TCP1: variants seen among roughly 807,000 people sequenced by gnomAD.
The protein encoded by TCP1 is T-complex protein 1 subunit alpha.
Under a neutral mutation model 54.7 loss-of-function variants are expected in TCP1, and 6 were observed. That is an observed-to-expected ratio of 0.11 (90% CI 0.06 to 0.22). The LOEUF is 0.22. Among genes scored for constraint, TCP1 ranks in the 10% least tolerant of loss-of-function variants. TCP1 has a pLI of 1.00. For synonymous variants in TCP1, 225 were observed against 229.7 expected (o/e 0.98, Z 0.19); for missense variants, 511 against 678.2 (o/e 0.75, Z 2.74).
chr6:159,780,242 T>C lies in TCP1; in HGVS notation c.1098-155A>G, dbSNP rs550378956. 17 of 1,200,774 alleles carry C rather than the reference T, an allele frequency of 1.4e-5. No individual in the cohort carries two copies. In the Admixed American group the frequency reaches 2.2e-4, roughly 15 times the overall value. The allele number at this position is 1,200,774 out of a possible 1,614,324, so 74.4% of individuals were successfully genotyped here. A position where few individuals can be genotyped will look rare whatever the true frequency, so the allele number is the denominator to read the frequency against. On this transcript the variant is annotated intron_variant, in intron 9 of 11. Transcript: ENST00000321394. ...CTACACAGGATATTTAGATATACTA[T>C]ACAGAAACAATGTCTAGTCCCTGCA...
intron 7 of TCP1, among the ~76,000 whole-genome samples, chr6:159,781,503 T>C (rs1780575134): frequency 6.6e-6 from 1 of 152,356 alleles, no homozygotes; most frequent in South Asian, 2.1e-4. Flanking sequence ...CCAAGTGCAG[T>C]GGCTCACGCC....
At position 159,779,703 on chromosome 6, in the gene TCP1, A is replaced by G. The variant is rs1429995974; in HGVS notation, c.1378T>C (p.Ser460Pro). ...NTLAVNAAQD[S>P]TDLVAKLRAF... ...CTTAATTTTGCAACCAGATCTGTGG[A>G]GTCCTGGGCAGCATTAACTGCTAGT... is the stretch of plus-strand genomic sequence containing the variant. The change falls in exon 11 of 12, where the codon TCC becomes CCC. Residue 460 changes from serine to proline, a missense_variant. Physicochemically the swap from Ser to Pro is moderately conservative, Grantham distance 74 (BLOSUM62 -1). Coordinates refer to ENST00000321394, the MANE Select transcript of TCP1 (RefSeq NM_030752.3). 4 of 1,613,474 alleles carry G rather than the reference A, an allele frequency of 2.5e-6. No homozygotes were observed. Among genetic ancestry groups the G allele is most frequent in the Non-Finnish European group, 3.4e-6 (4 of 1,179,876 alleles).
intron 6 of TCP1, 123 bp from the exon 7 acceptor site, chr6:159,784,190 A>C (rs1440369351): frequency 8.1e-7 from 1 of 1,240,600 alleles, no homozygotes; most frequent in Non-Finnish European, 1.1e-6. Flanking sequence ...ATCTTAGAAA[A>C]ATTTTATGGC....
At position 159,785,485 on chromosome 6, in the gene TCP1, C is replaced by A; in HGVS notation, c.389G>T (p.Arg130Leu). The change falls in exon 5 of 12, where the codon CGT becomes CTT. Residue 130 changes from arginine (R) to leucine (L), a missense_variant. Arg to Leu is a moderately radical substitution (Grantham distance 102). This residue lies in a region of TCP1 where 305 missense variants were observed against 352.8 expected (regional missense o/e 0.86). Transcript: ENST00000321394. ...GYRLACKEAV[R>L]YINENLIVNT... ...AACAATTAGGTTTTCATTGATATAA[C>A]GCACTGCTTCCCTGTTTAAAAGTGT... is the stretch of plus-strand genomic sequence containing the variant. 6.2e-7 allele frequency: 1 copy of A among 1,612,858 alleles called. No homozygotes were observed. The highest frequency in any genetic ancestry group is 2.2e-5 in the East Asian group (1 of 44,880).
chr6:159,782,311 A>G (rs1340010426), intron 7 of TCP1, among the ~76,000 whole-genome samples: 1 of 152,252 alleles, frequency 6.6e-6, no homozygotes, highest in African/African-American at 2.4e-5. Context: ...CTTGTCTACT[A>G]AACAAGTACT....
intron 8 of TCP1, 28 bp from the exon 9 acceptor site, chr6:159,780,594 G>T: frequency 6.2e-7 from 1 of 1,601,170 alleles, no homozygotes; most frequent in South Asian, 1.1e-5. Flanking sequence ...AAGGATCTGT[G>T]AATATTGCTC....
At chr6:159,785,714 T>C (rs1554269227) in intron 4 of TCP1, 186 bp downstream of exon 4, 2 of 784,962 alleles carry the variant, frequency 2.5e-6, no homozygotes, top group Non-Finnish European at 4.5e-6. Flanking sequence ...TAGGAGAAAA[T>C]GTGGTAGTCA....
intron 1 of TCP1, 110 bp from the exon 2 acceptor site, chr6:159,788,253 A>T: frequency 2.1e-6 from 2 of 961,824 alleles, no homozygotes; most frequent in African/African-American, 1.6e-5. Flanking sequence ...CGTATTTCCC[A>T]AATCTACAAA....
At chr6:159,787,995 A>T in intron 2 of TCP1, 63 bp downstream of exon 2, 1 of 1,608,608 alleles carries the variant, frequency 6.2e-7, no homozygotes, top group Non-Finnish European at 8.5e-7. Flanking sequence ...AAGAAAGAAC[A>T]TAGCAAAACA....
At chr6:159,788,168 AAAAG>A in intron 1 of TCP1, 25 bp from the exon 2 acceptor site, 2 of 1,608,890 alleles carry the variant, frequency 1.2e-6, no homozygotes, top group South Asian at 1.1e-5. Context: ...TTAAAAATAA[AAAAG>A]AAATGAGGAT....
chr6:159,779,854 A>C, intron 10 of TCP1, 41 bp downstream of exon 10: 1 of 1,603,308 alleles, frequency 6.2e-7, no homozygotes, highest in Non-Finnish European at 8.5e-7. Context: ...GTCCACAGCT[A>C]CTGCTCTCAG....
chr6:159,785,211 A>G, intron 5 of TCP1, 175 bp downstream of exon 5: 1 of 621,674 alleles, frequency 1.6e-6, no homozygotes. Context: ...ACACGCACCC[A>G]CTCCCGAGAC....
intron 9 of TCP1, 100 bp downstream of exon 9, chr6:159,780,343 G>C (rs377168769): frequency 7.1e-6 from 11 of 1,555,390 alleles, no homozygotes; most frequent in Middle Eastern, 1.7e-4. Context: ...ATAACTGCTC[G>C]TATCACTGTG....
In TCP1 at chr6:159,787,848, A is replaced by C. The variant is rs749989791; in HGVS notation, c.174T>G (p.Gly58=). 1.2e-6 allele frequency: 2 copies of C among 1,614,098 alleles called. No individual in the cohort carries two copies. Among genetic ancestry groups the C allele is most frequent in the Non-Finnish European group, 1.7e-6 (2 of 1,180,038 alleles). The change falls in exon 3 of 12, where the codon GGT becomes GGG. Residue 58 remains glycine, a synonymous_variant. Transcript: ENST00000321394. ...CCTCCAGTAACTTCAGGATGGTTGC[A>C]CCATCGTTAGTAATGGTTACATCCT... ...DIGDVTITND[G]ATILKLLEVE...
intron 2 of TCP1, 60 bp from the exon 3 acceptor site, chr6:159,787,931 A>T: frequency 6.2e-7 from 1 of 1,609,210 alleles, no homozygotes; most frequent in Middle Eastern, 1.7e-4. Context: ...GCCCCATTAT[A>T]ATACACGTTC....
chr6:159,779,540 T>TA (rs1780521347), intron 11 of TCP1, 87 bp downstream of exon 11: 1 of 1,487,582 alleles, frequency 6.7e-7, no homozygotes, highest in Admixed American at 2.3e-5. Context: ...GTCTGTTACT[T>TA]ATGTTTGCTG....
chr6:159,787,744 A>T lies in TCP1; in HGVS notation c.278T>A (p.Val93Glu). 1 of 1,612,832 alleles carries T rather than the reference A, an allele frequency of 6.2e-7. No homozygotes were observed. The highest frequency in any genetic ancestry group is 8.5e-7 in the Non-Finnish European group (1 of 1,179,864). ...DKEVGDGTTS[V>E]VIIAAELLKN... The stretch of plus-strand genomic sequence containing the variant: ...TCATTCTTTAGCCAGTCTACCTACC[A>T]CTGAAGTAGTTCCATCTCCAACTTC... Residue 93 changes from valine to glutamate, a missense_variant and splice_region_variant, in exon 3 of 12, where the codon GTG becomes GAG. This residue lies in a region of TCP1 where 54 missense variants were observed against 111.8 expected (regional missense o/e 0.48). Transcript: ENST00000321394.
chr6:159,779,884 A>G lies in TCP1; in HGVS notation c.1290+11T>C, dbSNP rs191839059. 43 of 1,612,768 alleles carry G rather than the reference A, an allele frequency of 2.7e-5. No individual in the cohort carries two copies. Among genetic ancestry groups the G allele is most frequent in the Admixed American group, 5.0e-5 (3 of 59,768 alleles). ...TCTCAGGCCTCTAAGACAAGAAATG[A>G]CTGTTCTTACCATGCTGGTTGCATA... is the stretch of plus-strand genomic sequence containing the variant. On this transcript the variant is annotated intron_variant, in intron 10 of 11. Coordinates refer to ENST00000321394, the MANE Select transcript of TCP1 (RefSeq NM_030752.3).
At chr6:159,784,531 C>A in intron 6 of TCP1, 135 bp downstream of exon 6, 1 of 886,504 alleles carries the variant, frequency 1.1e-6, no homozygotes, top group Non-Finnish European at 1.7e-6. Flanking sequence ...CTCTCAAACT[C>A]CTGCCCTCGT....
Sources: allele counts gnomAD v4.1 joint callset (sites outside exome capture counted in the v4.1 genomes callset), GRCh38; gene constraint gnomAD v4.1.1; regional missense constraint gnomAD v4.1.1; transcripts MANE v1.5; gene names NCBI Gene and HGNC (gene_info 2026-07-23, HGNC 2026-07-21).